Variants in NEO1 observed in about 807,000 individuals in gnomAD.
The protein encoded by NEO1 is neogenin.
In NEO1, 63 loss-of-function variants were observed where a neutral mutation model predicts 159.7. That is an observed-to-expected ratio of 0.39 (90% CI 0.32 to 0.49). The LOEUF (loss-of-function observed/expected upper bound fraction) is 0.49. Among genes scored for constraint, NEO1 ranks in the 20% least tolerant of loss-of-function variants. The probability of loss-of-function intolerance (pLI) is 0.85; values close to 1 mark genes in which losing one functional copy is unlikely to be tolerated. For missense variants in NEO1, 1,615 were observed against 1,831.0 expected (o/e 0.88, Z 2.15); for synonymous variants, 633 against 662.0 (o/e 0.96, Z 0.67).
At chr15:73,150,335 A>G (rs2033270895) in intron 5 of NEO1, among the ~76,000 whole-genome samples, 1 of 152,186 alleles carries the variant, frequency 6.6e-6, no homozygotes, top group Non-Finnish European at 1.5e-5. Flanking sequence ...GTAATTTCCC[A>G]ATAAGAAAGC....
intron 7 of NEO1, among the ~76,000 whole-genome samples, chr15:73,205,615 A>G (rs553699645): frequency 5.3e-5 from 8 of 152,174 alleles, no homozygotes; most frequent in African/African-American, 9.6e-5. Context: ...ACCTCTAGCA[A>G]TTTGTAAGAT....
chr15:73,281,137 G>A (rs2041677396), intron 22 of NEO1, among the ~76,000 whole-genome samples: 1 of 150,332 alleles, frequency 6.7e-6, no homozygotes, highest in Non-Finnish European at 1.5e-5. Context: ...GAACCAGAGG[G>A]GCGGAGCTTG....
chr15:73,301,483 G>A (rs2042611439), intron 28 of NEO1, 26 bp downstream of exon 28: 1 of 1,613,846 alleles, frequency 6.2e-7, no homozygotes, highest in African/African-American at 1.3e-5. Context: ...CATCAGTCCA[G>A]CCAGATTGCC....
At chr15:73,239,309 A>G (rs2039369769) in intron 8 of NEO1, among the ~76,000 whole-genome samples, 2 of 152,196 alleles carry the variant, frequency 1.3e-5, no homozygotes, top group Admixed American at 1.3e-4. Flanking sequence ...AATATTTTAA[A>G]TATACATAGC....
chr15:73,289,502 C>T (rs3743490), intron 25 of NEO1, among the ~76,000 whole-genome samples: 1,677 of 152,260 alleles, frequency 0.011, 22 homozygotes, highest in East Asian at 0.05. Flanking sequence ...TAACTAGTCT[C>T]CCTAAAAGTG....
chr15:73,264,792 C>A (rs553215183), intron 15 of NEO1, among the ~76,000 whole-genome samples: 1 of 152,270 alleles, frequency 6.6e-6, no homozygotes, highest in South Asian at 2.1e-4. Flanking sequence ...AAAGTTAATG[C>A]CTTCTCCCTC....
chr15:73,164,073 G>A (rs1365912008), intron 5 of NEO1, among the ~76,000 whole-genome samples: 1 of 150,186 alleles, frequency 6.7e-6, no homozygotes, highest in Non-Finnish European at 1.5e-5. Flanking sequence ...TGTCGCCCAG[G>A]CTGGAGTGCA....
Position 73,196,907 on chromosome 15 carries a change from T to C in NEO1, c.1291+18480T>C, listed in dbSNP as rs144134774. ...AATTTAAGATCTTTTTACGATCTCATGCGTGGTCAGTTTTTTTGGTGACAG... is the reference window on the plus strand; with the variant it reads ...AATTTAAGATCTTTTTACGATCTCACGCGTGGTCAGTTTTTTTGGTGACAG... On this transcript the variant is annotated intron_variant, in intron 7 of 28. Coordinates refer to ENST00000261908, the MANE Select transcript of NEO1 (RefSeq NM_002499.4). 1.9e-3 allele frequency among the ~76,000 whole-genome samples: 285 copies of C among 152,360 alleles called. 1 individual carries two copies. Among genetic ancestry groups the C allele is most frequent in the African/African-American group, 6.6e-3 (273 of 41,594 alleles).
intron 7 of NEO1, among the ~76,000 whole-genome samples, chr15:73,218,677 T>G (rs2038049086): frequency 6.6e-6 from 1 of 151,728 alleles, no homozygotes; most frequent in African/African-American, 2.4e-5. Flanking sequence ...GTCGAGGAAT[T>G]TATCCATTTC....
chr15:73,118,995 C>CTGTG lies in NEO1; in HGVS notation c.448+2153_448+2156dup, dbSNP rs143254969. On this transcript the variant is annotated intron_variant, in intron 2 of 28. Coordinates refer to ENST00000261908, the MANE Select transcript of NEO1 (RefSeq NM_002499.4). ...TGGGATTGCTGGATCATAGGATACACTGTGTGTGTGTGTGTGTGCGCGCAA... is the reference window on the plus strand; with the variant it reads ...TGGGATTGCTGGATCATAGGATACACTGTGTGTGTGTGTGTGTGTGTGCGCGCAA... Among the ~76,000 whole-genome samples, 197 of 150,432 alleles carry CTGTG rather than the reference C, an allele frequency of 1.3e-3. 1 individual carries two copies. Among genetic ancestry groups the CTGTG allele is most frequent in the Admixed American group, 3.7e-3 (56 of 15,104 alleles).
At chr15:73,128,309 C>T (rs1291992495) in intron 4 of NEO1, among the ~76,000 whole-genome samples, 1 of 150,474 alleles carries the variant, frequency 6.6e-6, no homozygotes, top group Non-Finnish European at 1.5e-5. Flanking sequence ...GAAGTTCTTA[C>T]AGTAGAAATT....
intron 1 of NEO1, among the ~76,000 whole-genome samples, chr15:73,093,050 C>A (rs1480789091): frequency 2.6e-5 from 4 of 152,006 alleles, no homozygotes; most frequent in Non-Finnish European, 5.9e-5. Context: ...TTTTTGATGA[C>A]CTTGATAGTT....
At chr15:73,248,218 C>T (rs1275349892) in intron 9 of NEO1, among the ~76,000 whole-genome samples, 1 of 152,094 alleles carries the variant, frequency 6.6e-6, no homozygotes, top group Non-Finnish European at 1.5e-5. Context: ...TTTATCTAGT[C>T]TTGTTCTTTT....
At chr15:73,096,797 T>TA (rs1344945416) in intron 1 of NEO1, among the ~76,000 whole-genome samples, 3 of 152,080 alleles carry the variant, frequency 2.0e-5, no homozygotes, top group Non-Finnish European at 2.9e-5. Flanking sequence ...TTCCTAATCT[T>TA]AAAAAATCTT....
At chr15:73,070,084 G>C (rs1043744681) in intron 1 of NEO1, among the ~76,000 whole-genome samples, 73 of 152,306 alleles carry the variant, frequency 4.8e-4, no homozygotes, top group African/African-American at 1.7e-3. Context: ...AAAATACTCT[G>C]TACAGAGAGT....
At chr15:73,109,565 A>ATT (rs531818718) in intron 1 of NEO1, among the ~76,000 whole-genome samples, 3 of 148,790 alleles carry the variant, frequency 2.0e-5, no homozygotes, top group Non-Finnish European at 4.5e-5. Context: ...AGGAATTTAG[A>ATT]TTTTTTTTTT....
chr15:73,139,293 G>GA (rs1319942533), intron 5 of NEO1, among the ~76,000 whole-genome samples: 1 of 151,980 alleles, frequency 6.6e-6, no homozygotes, highest in Non-Finnish European at 1.5e-5. Context: ...TATGACCCCA[G>GA]AAAACACAGG....
chr15:73,244,629 G>A, intron 9 of NEO1, 131 bp downstream of exon 9: 1 of 984,528 alleles, frequency 1.0e-6, no homozygotes, highest in Non-Finnish European at 1.4e-6. Context: ...TTATCAATTA[G>A]GGGAGGCAAA....
intron 5 of NEO1, among the ~76,000 whole-genome samples, chr15:73,140,369 A>G (rs1170508551): frequency 6.6e-6 from 1 of 152,162 alleles, no homozygotes; most frequent in Non-Finnish European, 1.5e-5. Context: ...CAGCCTGGGC[A>G]GCATAGTGAG....
Sources: allele counts gnomAD v4.1 joint callset (sites outside exome capture counted in the v4.1 genomes callset), GRCh38; gene constraint gnomAD v4.1.1; transcripts MANE v1.5; gene names NCBI Gene and HGNC (gene_info 2026-07-23, HGNC 2026-07-21).